Variants in VRK2 observed in about 807,000 individuals in gnomAD.
The protein encoded by VRK2 is serine/threonine-protein kinase VRK2.
Under a neutral mutation model 57.6 loss-of-function variants are expected in VRK2, and 60 were observed. The ratio of observed to expected loss-of-function variants is 1.04; its 90% CI spans 0.85 to 1.29. VRK2 has a LOEUF of 1.29. Ranked by LOEUF, VRK2 falls within the 50% of genes most tolerant of loss-of-function variation. The pLI is 0.00. For synonymous variants in VRK2, 231 were observed against 199.2 expected (o/e 1.16, Z -1.35); for missense variants, 705 against 588.1 (o/e 1.20, Z -2.06).
At chr2:57,939,767 T>C (rs1572885495) in intron 1 of VRK2, among the ~76,000 whole-genome samples, 1 of 152,232 alleles carries the variant, frequency 6.6e-6, no homozygotes, top group East Asian at 1.9e-4. Context: ...CATATTTTTC[T>C]GTTTACACTT....
At chr2:58,123,797 G>A (rs1026235707) in intron 8 of VRK2, among the ~76,000 whole-genome samples, 1 of 151,742 alleles carries the variant, frequency 6.6e-6, no homozygotes, top group African/African-American at 2.4e-5. Context: ...TGAGGCTGCA[G>A]TGAGCCATAA....
chr2:57,948,152 A>G (rs1402413665), intron 1 of VRK2, among the ~76,000 whole-genome samples: 3 of 152,152 alleles, frequency 2.0e-5, no homozygotes, highest in African/African-American at 7.2e-5. Flanking sequence ...TTTTAAACTG[A>G]CCAAGCTGAT....
In VRK2 at chr2:58,134,730, A is replaced by G. The variant is rs920442222; in HGVS notation, c.798-411A>G. Among the ~76,000 whole-genome samples the G allele has an allele frequency of 6.6e-5, 10 of 151,910 alleles. No homozygotes were observed. The East Asian group carries it at 1.9e-3, about 29-fold the overall frequency. The stretch of plus-strand genomic sequence containing the variant: ...CAGTCACATTCCTACACAGCTGTCT[A>G]TTCTTCATCAAACCTAAGCATAAAG... On this transcript the variant is annotated intron_variant, in intron 9 of 12. Transcript: ENST00000340157.
At chr2:58,023,748 T>C (rs1016760763) in intron 1 of VRK2, among the ~76,000 whole-genome samples, 1 of 152,130 alleles carries the variant, frequency 6.6e-6, no homozygotes, top group Non-Finnish European at 1.5e-5. Context: ...AAGATTTCTG[T>C]TTCTAGGCCT....
intron 7 of VRK2, among the ~76,000 whole-genome samples, chr2:58,090,511 G>C (rs1365194592): frequency 6.6e-6 from 1 of 152,050 alleles, no homozygotes; most frequent in East Asian, 1.9e-4. Context: ...GCAGTATGTG[G>C]CTAAGTACTT....
chr2:58,066,562 T>G (rs1285877131), intron 2 of VRK2, among the ~76,000 whole-genome samples: 1 of 152,172 alleles, frequency 6.6e-6, no homozygotes, highest in Non-Finnish European at 1.5e-5. Flanking sequence ...TGTCTAATTT[T>G]GTATCAGGGT....
At chr2:58,061,255 A>G (rs1049378927) in intron 2 of VRK2, among the ~76,000 whole-genome samples, 1 of 151,968 alleles carries the variant, frequency 6.6e-6, no homozygotes, top group Admixed American at 6.6e-5. Context: ...AATAATAATA[A>G]AAACAGCTAA....
chr2:57,969,375 T>C (rs1307447663), intron 1 of VRK2, among the ~76,000 whole-genome samples: 1 of 151,956 alleles, frequency 6.6e-6, no homozygotes, highest in Non-Finnish European at 1.5e-5. Context: ...CACTGAAAAA[T>C]TTAAATGCAT....
chr2:57,994,593 A>G (rs1672869190), intron 1 of VRK2, among the ~76,000 whole-genome samples: 1 of 152,190 alleles, frequency 6.6e-6, no homozygotes. Context: ...CAAATACTTC[A>G]GGTCTTTGCA....
chr2:57,998,262 T>C (rs932915103), intron 1 of VRK2, among the ~76,000 whole-genome samples: 1 of 152,202 alleles, frequency 6.6e-6, no homozygotes, highest in African/African-American at 2.4e-5. Flanking sequence ...TTCCACCCTA[T>C]CCATAATTAG....
intron 10 of VRK2, among the ~76,000 whole-genome samples, chr2:58,136,902 A>C (rs1391472970): frequency 7.6e-5 from 1 of 13,114 alleles, no homozygotes; most frequent in Admixed American, 3.7e-4. Flanking sequence ...GTGTATATAT[A>C]TCATATATAT....
chr2:58,052,182 G>A (rs941711899), intron 2 of VRK2, among the ~76,000 whole-genome samples: 1 of 152,092 alleles, frequency 6.6e-6, no homozygotes, highest in Non-Finnish European at 1.5e-5. Context: ...AATCCTTTGG[G>A]TTGTTTCTAT....
At chr2:57,984,162 T>A (rs961936694) in intron 1 of VRK2, among the ~76,000 whole-genome samples, 1 of 152,204 alleles carries the variant, frequency 6.6e-6, no homozygotes, top group African/African-American at 2.4e-5. Context: ...AAAGTGCTGA[T>A]GTATTGTCTA....
In VRK2 at chr2:57,917,992, AT is replaced by A. The variant is rs561999005; in HGVS notation, c.-439+10154del. Among the ~76,000 whole-genome samples, 13 of 152,278 alleles carry A rather than the reference AT, an allele frequency of 8.5e-5. No individual in the cohort carries two copies. The East Asian group carries it at 2.5e-3, about 29-fold the overall frequency. On this transcript the variant is annotated intron_variant, in intron 1 of 15. Transcript: ENST00000417641. ...GTAAGGTTGATCATTTCAGAGGTGA[AT>A]GTAGACTTTGAGCTTTATTAACTAA...
At chr2:58,089,059 A>C (rs1020056621) in intron 6 of VRK2, among the ~76,000 whole-genome samples, 2 of 152,186 alleles carry the variant, frequency 1.3e-5, no homozygotes, top group African/African-American at 4.8e-5. Flanking sequence ...AGAATGCATT[A>C]ATTTTCTCAT....
rs1677778675 is a variant in VRK2, at chr2:58,123,134, T to C, written c.577T>C (p.Tyr193His). 2 of 1,601,084 alleles carry C rather than the reference T, an allele frequency of 1.2e-6. No individual in the cohort carries two copies. The highest frequency in any genetic ancestry group is 2.3e-5 in the East Asian group (1 of 44,202). Residue 193 changes from tyrosine to histidine, a missense_variant, in exon 8 of 13, where the codon TAT becomes CAT. Tyr to His is a moderately conservative substitution (Grantham distance 83). Coordinates refer to ENST00000340157, the MANE Select transcript of VRK2 (RefSeq NM_006296.7). Reference sequence around the variant, plus strand: ...TGCAGATTATGGACTTTCCTACAGATATTGTCCCAATGGGAACCACAAACA... The same window carrying C: ...TGCAGATTATGGACTTTCCTACAGACATTGTCCCAATGGGAACCACAAACA... Reference protein sequence around the residue: ...YLADYGLSYRYCPNGNHKQYQ... With the variant: ...YLADYGLSYRHCPNGNHKQYQ...
chr2:58,099,962 A>C (rs1673720840), intron 7 of VRK2, among the ~76,000 whole-genome samples: 1 of 152,066 alleles, frequency 6.6e-6, no homozygotes. Flanking sequence ...TGCAGAAGGT[A>C]ATGTTTCTTA....
chr2:57,922,752 C>A (rs1008227860), intron 1 of VRK2, among the ~76,000 whole-genome samples: 2 of 136,126 alleles, frequency 1.5e-5, no homozygotes, highest in Non-Finnish European at 3.1e-5. Flanking sequence ...TACAAACAAT[C>A]CAATTATACT....
chr2:58,131,675 C>T, intron 8 of VRK2, 133 bp from the exon 9 acceptor site: 2 of 1,125,306 alleles, frequency 1.8e-6, no homozygotes, highest in South Asian at 1.9e-5. Context: ...AAGTTTTATT[C>T]CAGCTGAACA....
Sources: gnomAD v4.1 joint callset for allele counts (sites outside exome capture counted in the v4.1 genomes callset) on GRCh38, gnomAD v4.1.1 for gene constraint, MANE v1.5 for transcripts, NCBI Gene and HGNC (gene_info 2026-07-23, HGNC 2026-07-21) for gene names.